The following PTPRN2 variants were observed in gnomAD, a reference collection of about 807,000 sequenced individuals.
The protein encoded by PTPRN2 is receptor-type tyrosine-protein phosphatase N2.
PTPRN2 carries 74 observed loss-of-function variants against 118.8 expected under a neutral mutation model. The observed-to-expected ratio is 0.62, with a 90% CI of 0.52 to 0.76. The LOEUF (loss-of-function observed/expected upper bound fraction) is 0.76. Among genes scored for constraint, PTPRN2 ranks in the 30% least tolerant of loss-of-function variants. The probability of loss-of-function intolerance (pLI) is 0.00; values close to 1 mark genes in which losing one functional copy is unlikely to be tolerated. For missense variants in PTPRN2, 1,481 were observed against 1,394.4 expected (o/e 1.06, Z -0.99); for synonymous variants, 641 against 608.0 (o/e 1.05, Z -0.80).
chr7:158,484,919 A>G lies in PTPRN2; in HGVS notation c.163+4816T>C, dbSNP rs115836888. The stretch of plus-strand genomic sequence containing the variant: ...TGAAGGCTGTGGCTGTGACGCCGCC[A>G]CGGGGAGTCGGCTGCAGGAGGAGCC... On this transcript the variant is annotated intron_variant, in intron 2 of 22. Coordinates refer to ENST00000389418, the MANE Select transcript of PTPRN2 (RefSeq NM_002847.5). Among the ~76,000 whole-genome samples, 1,138 of 152,262 alleles carry G rather than the reference A, an allele frequency of 7.5e-3. 18 individuals carry two copies. The highest frequency in any genetic ancestry group is 0.026 in the African/African-American group (1,078 of 41,550).
At chr7:158,042,286 T>A (rs1018561503) in intron 11 of PTPRN2, among the ~76,000 whole-genome samples, 4 of 152,150 alleles carry the variant, frequency 2.6e-5, no homozygotes, top group Admixed American at 6.5e-5. Flanking sequence ...GACTGCCCCA[T>A]CGTGCTTGAC....
intron 3 of PTPRN2, among the ~76,000 whole-genome samples, chr7:158,255,431 C>T (rs1231652304): frequency 2.6e-5 from 4 of 152,160 alleles, no homozygotes; most frequent in African/African-American, 9.7e-5. Context: ...GGATCGGCCA[C>T]TCCACCACCA....
At chr7:158,055,561 G>T (rs1384452350) in intron 11 of PTPRN2, among the ~76,000 whole-genome samples, 1 of 152,184 alleles carries the variant, frequency 6.6e-6, no homozygotes, top group African/African-American at 2.4e-5. Context: ...CCGCCTTCAT[G>T]TTCCATCCTG....
In PTPRN2 at chr7:157,716,485, C is replaced by T. The variant is rs576453062; in HGVS notation, c.1789-33548G>A. Among the ~76,000 whole-genome samples, 19 of 95,282 alleles carry T rather than the reference C, an allele frequency of 2.0e-4. 3 individuals are homozygous for T. Among genetic ancestry groups the T allele is most frequent in the African/African-American group, 1.0e-3 (19 of 18,400 alleles). 62.5% of individuals were successfully genotyped at this position (95,282 alleles called of 152,430 possible). A position where few individuals can be genotyped will look rare whatever the true frequency, so the allele number is the denominator to read the frequency against. ...AGACTCTGCAGGAACACTGCCTGGC[C>T]ACGTAGACTCTGCGGGAACACTGCC... On this transcript the variant is annotated intron_variant, in intron 12 of 22. Transcript: ENST00000389418.
chr7:157,841,839 G>A, intron 12 of PTPRN2, among the ~76,000 whole-genome samples: 1 of 152,200 alleles, frequency 6.6e-6, no homozygotes, highest in Admixed American at 6.5e-5. Flanking sequence ...AGAACACCCT[G>A]GATTCTGCGC....
intron 4 of PTPRN2, among the ~76,000 whole-genome samples, chr7:158,199,316 C>T (rs1468039770): frequency 4.6e-5 from 7 of 152,192 alleles, no homozygotes; most frequent in Non-Finnish European, 8.8e-5. Flanking sequence ...CTGTTCCTCA[C>T]ACTGGGCACT....
intron 3 of PTPRN2, among the ~76,000 whole-genome samples, chr7:158,217,402 C>T (rs1214182416): frequency 6.6e-6 from 1 of 152,196 alleles, no homozygotes; most frequent in East Asian, 1.9e-4. Flanking sequence ...CTATATCCAA[C>T]TTACACAACA....
chr7:158,581,500 C>A (rs1828624904), intron 1 of PTPRN2, among the ~76,000 whole-genome samples: 2 of 151,764 alleles, frequency 1.3e-5, no homozygotes, highest in South Asian at 4.2e-4. Context: ...ACACAGTACA[C>A]CAAAAAAGAA....
intron 3 of PTPRN2, among the ~76,000 whole-genome samples, chr7:158,218,276 G>A (rs910634643): frequency 2.6e-5 from 4 of 152,074 alleles, no homozygotes; most frequent in Admixed American, 6.6e-5. Flanking sequence ...AAGAGACTGG[G>A]GGCCCTATTT....
intron 22 of PTPRN2, among the ~76,000 whole-genome samples, chr7:157,548,239 A>AAAC (rs972179451): frequency 5.9e-5 from 9 of 152,146 alleles, no homozygotes; most frequent in African/African-American, 2.2e-4. Flanking sequence ...AACAACAAAC[A>AAAC]AACAACAACA....
chr7:157,901,531 GC>G (rs1797439186), intron 11 of PTPRN2, among the ~76,000 whole-genome samples: 2 of 152,176 alleles, frequency 1.3e-5, no homozygotes, highest in African/African-American at 4.8e-5. Context: ...AGTATGGATC[GC>G]CTCTGCTCTT....
At chr7:158,537,365 T>C (rs976049646) in intron 1 of PTPRN2, 2 of 152,254 alleles carry the variant, frequency 1.3e-5, no homozygotes, top group Non-Finnish European at 2.9e-5. Context: ...ATGTCGTCGT[T>C]AGCACCCAAG....
At chr7:157,692,561 G>A (rs1390384262) in intron 12 of PTPRN2, among the ~76,000 whole-genome samples, 1 of 152,254 alleles carries the variant, frequency 6.6e-6, no homozygotes, top group Non-Finnish European at 1.5e-5. Context: ...TGCAGGCCCA[G>A]GCTGAGTTCC....
rs147827407 is a variant in PTPRN2 at position 158,317,016 on chromosome 7, G to A, written c.164-84C>T. 3.3e-4 allele frequency: 331 copies of A among 1,015,676 alleles called. 1 individual carries two copies. The highest frequency in any genetic ancestry group is 7.6e-4 in the African/African-American group (47 of 61,990). The allele number at this position is 1,015,676 out of a possible 1,614,324, so 62.9% of individuals were successfully genotyped here. ...GGTGTCACACACGTCCTTGCAATGC[G>A]TTCTGATCATGTGCCGCCGTGAGGT... is the stretch of plus-strand genomic sequence containing the variant. On this transcript the variant is annotated intron_variant, in intron 2 of 22. Transcript: ENST00000389418.
At position 157,695,838 on chromosome 7, in the gene PTPRN2, G is replaced by A. The variant is rs28681151; in HGVS notation, c.1789-12901C>T. Among the ~76,000 whole-genome samples, 620 of 144,906 alleles carry A rather than the reference G, an allele frequency of 4.3e-3. 2 individuals are homozygous for A. The highest frequency in any genetic ancestry group is 0.02 in the Middle Eastern group (5 of 256). Reference sequence around the variant, plus strand: ...ACTGCATCTTAGTAGAGCCCTCACCGTCTACCCGTGCATACTGGATCTTAG... The same window carrying A: ...ACTGCATCTTAGTAGAGCCCTCACCATCTACCCGTGCATACTGGATCTTAG... On this transcript the variant is annotated intron_variant, in intron 12 of 22. Transcript: ENST00000389418.
chr7:158,291,543 A>G (rs1800119814), intron 3 of PTPRN2, among the ~76,000 whole-genome samples: 1 of 152,182 alleles, frequency 6.6e-6, no homozygotes, highest in African/African-American at 2.4e-5. Context: ...TTTTGTCTTT[A>G]AAGTTAAGAT....
At chr7:158,413,262 A>G (rs1814352630) in intron 2 of PTPRN2, among the ~76,000 whole-genome samples, 1 of 152,274 alleles carries the variant, frequency 6.6e-6, no homozygotes, top group East Asian at 1.9e-4. Context: ...TGGGTTCAAG[A>G]TCAAAAACAA....
At chr7:158,317,672 C>A (rs1586232251) in intron 2 of PTPRN2, among the ~76,000 whole-genome samples, 1 of 152,174 alleles carries the variant, frequency 6.6e-6, no homozygotes, top group African/African-American at 2.4e-5. Flanking sequence ...AAGGTTAATT[C>A]AGGCGCTACT....
At chr7:157,985,267 T>C (rs923194024) in intron 11 of PTPRN2, among the ~76,000 whole-genome samples, 1 of 152,180 alleles carries the variant, frequency 6.6e-6, no homozygotes, top group African/African-American at 2.4e-5. Flanking sequence ...AAGCAGCAGC[T>C]CTCTCAATGT....
Sources: gnomAD v4.1 joint callset for allele counts (sites outside exome capture counted in the v4.1 genomes callset) on GRCh38, gnomAD v4.1.1 for gene constraint, MANE v1.5 for transcripts, NCBI Gene and HGNC (gene_info 2026-07-23, HGNC 2026-07-21) for gene names.